The following ATP8B4 variants were observed in gnomAD, a reference collection of about 807,000 sequenced individuals.
The protein encoded by ATP8B4 is probable phospholipid-transporting ATPase IM.
In ATP8B4, 133 loss-of-function variants were observed where a neutral mutation model predicts 145.6. The ratio of observed to expected loss-of-function variants is 0.91; its 90% CI spans 0.79 to 1.05. The LOEUF is 1.05. ATP8B4 is among the 50% of genes least tolerant of loss of function. ATP8B4 has a pLI of 0.00. For synonymous variants in ATP8B4, 507 were observed against 492.9 expected (o/e 1.03, Z -0.38); for missense variants, 1,458 against 1,425.2 (o/e 1.02, Z -0.37).
At chr15:50,112,272 C>T (rs918329505) in intron 1 of ATP8B4, among the ~76,000 whole-genome samples, 2 of 152,066 alleles carry the variant, frequency 1.3e-5, no homozygotes, top group Non-Finnish European at 2.9e-5. Flanking sequence ...CTTGGCAGCC[C>T]CCCTTGCTGG....
chr15:49,946,041 G>C (rs1296288765), intron 14 of ATP8B4, among the ~76,000 whole-genome samples: 1 of 152,100 alleles, frequency 6.6e-6, no homozygotes, highest in Non-Finnish European at 1.5e-5. Flanking sequence ...ACATCAATTG[G>C]AAAGGAAGAA....
chr15:49,877,233 G>A (rs1041294834), intron 24 of ATP8B4, among the ~76,000 whole-genome samples: 2 of 152,110 alleles, frequency 1.3e-5, no homozygotes, highest in African/African-American at 4.8e-5. Context: ...CACACAAATC[G>A]CCTGGGAAAC....
intron 20 of ATP8B4, among the ~76,000 whole-genome samples, chr15:49,909,272 C>T (rs1055475581): frequency 2.0e-5 from 3 of 152,256 alleles, no homozygotes; most frequent in Admixed American, 6.5e-5. Flanking sequence ...GACAGACTAA[C>T]CCAGCCTGCC....
chr15:50,151,566 C>A (rs1465957301), intron 1 of ATP8B4, among the ~76,000 whole-genome samples: 1 of 152,054 alleles, frequency 6.6e-6, no homozygotes, highest in Non-Finnish European at 1.5e-5. Context: ...ACATGGTCAA[C>A]ATGGCGAAAC....
At chr15:50,101,184 A>T (rs2056328889) in intron 2 of ATP8B4, among the ~76,000 whole-genome samples, 1 of 152,182 alleles carries the variant, frequency 6.6e-6, no homozygotes, top group Admixed American at 6.5e-5. Flanking sequence ...CTACTGAGGA[A>T]AGTGAAAAAT....
intron 3 of ATP8B4, among the ~76,000 whole-genome samples, chr15:50,072,924 CTCTCTCT>C (rs1567305689): frequency 0.013 from 139 of 10,504 alleles, 7 homozygotes; most frequent in Middle Eastern, 0.038. Context: ...TGCCCGGCCT[CTCTCTCT>C]CTCTCTCTCT....
chr15:50,043,770 G>A (rs1305971245), intron 5 of ATP8B4, among the ~76,000 whole-genome samples: 1 of 151,506 alleles, frequency 6.6e-6, no homozygotes, highest in Non-Finnish European at 1.5e-5. Flanking sequence ...TGGCTAACAA[G>A]GTGAAACCCC....
intron 27 of ATP8B4, among the ~76,000 whole-genome samples, chr15:49,861,477 C>CCTAT (rs1398113992): frequency 2.2e-5 from 3 of 138,992 alleles, no homozygotes; most frequent in African/African-American, 8.3e-5. Context: ...TATCTATCTA[C>CCTAT]CTACCTACCT....
At chr15:50,049,565 G>C (rs947648843) in intron 3 of ATP8B4, among the ~76,000 whole-genome samples, 10 of 152,172 alleles carry the variant, frequency 6.6e-5, no homozygotes, top group Admixed American at 6.5e-5. Flanking sequence ...TGGGCATCTA[G>C]GTTGACTCCA....
intron 6 of ATP8B4, among the ~76,000 whole-genome samples, chr15:50,023,275 C>T (rs929779184): frequency 6.6e-6 from 1 of 152,096 alleles, no homozygotes; most frequent in Non-Finnish European, 1.5e-5. Context: ...TCACAAGAGC[C>T]ACTACTGGGA....
intron 9 of ATP8B4, among the ~76,000 whole-genome samples, chr15:49,987,824 G>T (rs1311623036): frequency 6.6e-6 from 1 of 150,454 alleles, no homozygotes; most frequent in East Asian, 1.9e-4. Context: ...CCTTAAAAAA[G>T]AAAAAAAAAG....
intron 14 of ATP8B4, among the ~76,000 whole-genome samples, chr15:49,950,609 AACAAAC>A (rs2042996660): frequency 2.0e-5 from 2 of 101,134 alleles, no homozygotes; most frequent in African/African-American, 6.7e-5. Flanking sequence ...AAAACAAACA[AACAAAC>A]AAACAAAAAA....
chr15:50,177,093 ACAGT>A (rs2044775345), intron 1 of ATP8B4, among the ~76,000 whole-genome samples: 1 of 152,196 alleles, frequency 6.6e-6, no homozygotes, highest in Admixed American at 6.5e-5. Context: ...TATGGCAACA[ACAGT>A]CAGAGATTAT....
intron 12 of ATP8B4, among the ~76,000 whole-genome samples, chr15:49,978,812 A>AGG (rs1403692544): frequency 1.0e-4 from 8 of 77,372 alleles, no homozygotes; most frequent in East Asian, 1.1e-3. Context: ...ATAAATAAAG[A>AGG]GGGGTGTGTG....
chr15:50,138,216 G>A (rs1435381738), intron 1 of ATP8B4, among the ~76,000 whole-genome samples: 1 of 152,058 alleles, frequency 6.6e-6, no homozygotes, highest in African/African-American at 2.4e-5. Flanking sequence ...CTGTTTCCAG[G>A]AATTTACACT....
At chr15:50,117,763 T>C (rs1368354414) in intron 1 of ATP8B4, among the ~76,000 whole-genome samples, 1 of 152,240 alleles carries the variant, frequency 6.6e-6, no homozygotes, top group Non-Finnish European at 1.5e-5. Flanking sequence ...ATATTTCTTC[T>C]TGAGGAATAA....
At position 49,979,736 on chromosome 15, in the gene ATP8B4, T is replaced by C; in HGVS notation, c.915A>G (p.Gln305=). The change falls in exon 12 of 28, where the codon CAA becomes CAG. Residue 305 remains glutamine (Q), a synonymous_variant. Coordinates refer to ENST00000284509, the MANE Select transcript of ATP8B4 (RefSeq NM_024837.4). ...CATTCCAAAAGAGGAAAGTTCTGAA[T>C]TGGTCCCCAGTTTGACTCTCCCAGA... The part of the protein sequence containing the change: ...NSIWESQTGD[Q]FRTFLFWNEG... The C allele has an allele frequency of 2.5e-6, 4 of 1,611,556 alleles. No individual in the cohort carries two copies. Among genetic ancestry groups the C allele is most frequent in the African/African-American group, 1.3e-5 (1 of 74,966 alleles).
rs1158515559 is a variant in ATP8B4, at chr15:49,901,129, G to A, written c.2252C>T (p.Thr751Ile). The A allele has an allele frequency of 1.2e-6, 2 of 1,613,314 alleles. No individual in the cohort carries two copies. The highest frequency in any genetic ancestry group is 1.7e-5 in the Admixed American group (1 of 59,968). The stretch of plus-strand genomic sequence containing the variant: ...ATTTATGATTAAGGCATAATCTCCT[G>A]TTATGGTTTCTTCTACAATAGAATC... ...ELDSIVEETI[T>I]GDYALIINGH... The change falls in exon 21 of 28, where the codon ACA becomes ATA. Residue 751 changes from threonine to isoleucine, a missense_variant. Coordinates refer to ENST00000284509, the MANE Select transcript of ATP8B4 (RefSeq NM_024837.4).
rs753499577 is a variant in ATP8B4 at position 49,901,081 on chromosome 15, G to A, written c.2289+11C>T. On this transcript the variant is annotated intron_variant, in intron 21 of 27. Transcript: ENST00000284509. ...AGAAAAAGAAAGGACAAAAACCTTA[G>A]GCAAACTCACCAAACTGTGGCCATT... is the stretch of plus-strand genomic sequence containing the variant. The A allele has an allele frequency of 6.2e-7, 1 of 1,610,324 alleles. No homozygotes were observed. The highest frequency in any genetic ancestry group is 1.1e-5 in the South Asian group (1 of 90,578).
Sources: allele counts gnomAD v4.1 joint callset (sites outside exome capture counted in the v4.1 genomes callset), GRCh38; gene constraint gnomAD v4.1.1; transcripts MANE v1.5; gene names NCBI Gene and HGNC (gene_info 2026-07-23, HGNC 2026-07-21).